The following PTPRD variants were observed in gnomAD, a reference collection of about 807,000 sequenced individuals.
PTPRD encodes protein tyrosine phosphatase receptor type D.
In PTPRD, 34 loss-of-function variants were observed where a neutral mutation model predicts 214.5. The ratio of observed to expected loss-of-function variants is 0.16; its 90% CI spans 0.12 to 0.21. The LOEUF is 0.21. Among genes scored for constraint, PTPRD ranks in the 10% least tolerant of loss-of-function variants. The probability of loss-of-function intolerance (pLI) is 1.00; values close to 1 mark genes in which losing one functional copy is unlikely to be tolerated. For synonymous variants in PTPRD, 1,128 were observed against 845.7 expected (o/e 1.33, Z -5.79); for missense variants, 2,545 against 2,398.7 (o/e 1.06, Z -1.27).
At chr9:9,302,607 T>TC (rs750205722) in intron 9 of PTPRD, among the ~76,000 whole-genome samples, 13 of 119,502 alleles carry the variant, frequency 1.1e-4, no homozygotes, top group African/African-American at 4.1e-4. Flanking sequence ...TTTTCTTTTT[T>TC]TTTTTTTTTT....
intron 12 of PTPRD, among the ~76,000 whole-genome samples, chr9:8,652,280 T>C (rs1226376354): frequency 6.6e-6 from 1 of 152,236 alleles, no homozygotes; most frequent in Non-Finnish European, 1.5e-5. Context: ...TTTTCTCTTT[T>C]TCCCCTAATT....
intron 11 of PTPRD, among the ~76,000 whole-genome samples, chr9:8,928,457 G>C (rs1393511239): frequency 6.6e-6 from 1 of 152,086 alleles, no homozygotes; most frequent in African/African-American, 2.4e-5. Flanking sequence ...TATTAAACAG[G>C]GAATCCTTTC....
At chr9:9,357,626 C>T (rs1245948429) in intron 9 of PTPRD, among the ~76,000 whole-genome samples, 1 of 150,534 alleles carries the variant, frequency 6.6e-6, no homozygotes, top group African/African-American at 2.4e-5. Context: ...GGGAAAGAAG[C>T]AAAGTGATTA....
At chr9:9,012,448 T>C (rs931045986) in intron 11 of PTPRD, among the ~76,000 whole-genome samples, 12 of 152,188 alleles carry the variant, frequency 7.9e-5, no homozygotes, top group African/African-American at 2.9e-4. Flanking sequence ...AGCCAAGCAT[T>C]ATTCACCATA....
At chr9:10,387,112 G>T (rs113932018) in intron 2 of PTPRD, among the ~76,000 whole-genome samples, 2,137 of 151,898 alleles carry the variant, frequency 0.014, 52 homozygotes, top group African/African-American at 0.049. Flanking sequence ...AAGGATCACA[G>T]CCCTACCTAT....
chr9:9,264,804 A>T (rs1014468927), intron 9 of PTPRD, among the ~76,000 whole-genome samples: 3 of 151,566 alleles, frequency 2.0e-5, no homozygotes, highest in Non-Finnish European at 4.4e-5. Flanking sequence ...TGTATGTCAT[A>T]AACAAGAGAT....
At chr9:8,799,079 TATTA>T (rs2096513759) in intron 11 of PTPRD, among the ~76,000 whole-genome samples, 1 of 152,178 alleles carries the variant, frequency 6.6e-6, no homozygotes, top group African/African-American at 2.4e-5. Flanking sequence ...CTTTATTTAA[TATTA>T]ATTAGAGTCC....
intron 4 of PTPRD, among the ~76,000 whole-genome samples, chr9:10,024,031 T>A (rs2096874292): frequency 6.6e-6 from 1 of 152,158 alleles, no homozygotes. Flanking sequence ...CTTTCTATAT[T>A]TTTATATTAA....
At chr9:8,646,089 T>C (rs1595981840) in intron 12 of PTPRD, among the ~76,000 whole-genome samples, 1 of 149,676 alleles carries the variant, frequency 6.7e-6, no homozygotes, top group South Asian at 2.1e-4. Flanking sequence ...AAGCTACAGG[T>C]GCCTGAACCC....
intron 26 of PTPRD, among the ~76,000 whole-genome samples, chr9:8,495,292 A>C (rs2097238540): frequency 6.6e-6 from 1 of 152,172 alleles, no homozygotes; most frequent in Non-Finnish European, 1.5e-5. Flanking sequence ...AAAACTTATG[A>C]GCTATCTTTG....
At chr9:8,557,435 C>CT (rs754301559) in intron 14 of PTPRD, among the ~76,000 whole-genome samples, 1 of 133,640 alleles carries the variant, frequency 7.5e-6, no homozygotes, top group African/African-American at 3.2e-5. Context: ...TTTGTAAATA[C>CT]ATATATATAT....
At chr9:10,015,719 G>A (rs1329138486) in intron 4 of PTPRD, among the ~76,000 whole-genome samples, 1 of 152,114 alleles carries the variant, frequency 6.6e-6, no homozygotes, top group Admixed American at 6.6e-5. Context: ...GCAGAAAGAA[G>A]AGAAAGAGGT....
At chr9:8,500,133 G>A (rs550220189) in intron 24 of PTPRD, among the ~76,000 whole-genome samples, 2 of 150,164 alleles carry the variant, frequency 1.3e-5, no homozygotes, top group African/African-American at 2.4e-5. Flanking sequence ...AGCCAAGGAA[G>A]ATGCTTTGAG....
rs34017691 is a variant in PTPRD, at chr9:10,384,770, GA to G, written c.-599-43754del. ...AAAAGGATAATCTCTAAATTTGTCA[GA>G]AAAAAAAAACCTCCTTCTCCATCTT... On this transcript the variant is annotated intron_variant, in intron 2 of 45. Transcript: ENST00000381196. 7.2e-3 allele frequency among the ~76,000 whole-genome samples: 1,065 copies of G among 148,592 alleles called. 10 individuals carry two copies. Among genetic ancestry groups the G allele is most frequent in the African/African-American group, 0.024 (985 of 40,848 alleles).
At chr9:8,348,527 G>A (rs1383737819) in intron 39 of PTPRD, among the ~76,000 whole-genome samples, 1 of 152,106 alleles carries the variant, frequency 6.6e-6, no homozygotes, top group Non-Finnish European at 1.5e-5. Context: ...TCATAGGCCA[G>A]TCTGGTTTCT....
At chr9:9,308,447 T>C (rs1957826464) in intron 9 of PTPRD, among the ~76,000 whole-genome samples, 1 of 152,210 alleles carries the variant, frequency 6.6e-6, no homozygotes, top group Admixed American at 6.5e-5. Flanking sequence ...TCATTTAATA[T>C]CATGTTACTT....
chr9:9,136,196 G>C (rs186795727), intron 10 of PTPRD, among the ~76,000 whole-genome samples: 4 of 152,052 alleles, frequency 2.6e-5, no homozygotes, highest in African/African-American at 7.2e-5. Flanking sequence ...TTCACATTAA[G>C]GAGAAAAAAA....
At chr9:10,007,669 C>T (rs2096512852) in intron 4 of PTPRD, among the ~76,000 whole-genome samples, 1 of 152,042 alleles carries the variant, frequency 6.6e-6, no homozygotes, top group South Asian at 2.1e-4. Flanking sequence ...AAATTTTGTT[C>T]ATAAGCCACC....
At chr9:8,665,301 G>A (rs925416083) in intron 12 of PTPRD, among the ~76,000 whole-genome samples, 5 of 152,216 alleles carry the variant, frequency 3.3e-5, no homozygotes, top group Admixed American at 2.0e-4. Flanking sequence ...GACAACCACT[G>A]TAGGCAGCCC....
Sources: gnomAD v4.1 joint callset for allele counts (sites outside exome capture counted in the v4.1 genomes callset) on GRCh38, gnomAD v4.1.1 for gene constraint, MANE v1.5 for transcripts, NCBI Gene and HGNC (gene_info 2026-07-23, HGNC 2026-07-21) for gene names.